Variants in MCTP1 observed in about 807,000 individuals in gnomAD.
The protein encoded by MCTP1 is multiple C2 and transmembrane domain containing 1.
MCTP1 carries 69 observed loss-of-function variants against 120.6 expected under a neutral mutation model. That is an observed-to-expected ratio of 0.57 (90% confidence interval 0.47 to 0.70). The LOEUF is 0.70. Ranked by LOEUF, MCTP1 falls within the 30% of genes least tolerant of loss-of-function variation. The probability of loss-of-function intolerance (pLI) is 0.00; values close to 1 mark genes in which losing one functional copy is unlikely to be tolerated. For synonymous variants in MCTP1, 529 were observed against 493.1 expected (o/e 1.07, Z -0.96); for missense variants, 1,203 against 1,248.8 (o/e 0.96, Z 0.55).
chr5:95,183,618 A>C (rs1232211419), intron 1 of MCTP1, among the ~76,000 whole-genome samples: 1 of 152,146 alleles, frequency 6.6e-6, no homozygotes, highest in African/African-American at 2.4e-5. Context: ...GCAACTCAAG[A>C]AAAAGACAAA....
At chr5:95,024,200 A>C (rs1322212718) in intron 1 of MCTP1, 5 of 292,656 alleles carry the variant, frequency 1.7e-5, no homozygotes, top group Admixed American at 9.3e-5. Flanking sequence ...GCTTTCCTTG[A>C]TTTTTTTCTT....
At chr5:95,107,168 T>G (rs1757142633) in intron 1 of MCTP1, among the ~76,000 whole-genome samples, 1 of 152,178 alleles carries the variant, frequency 6.6e-6, no homozygotes, top group Admixed American at 6.5e-5. Context: ...TTTAAATAGT[T>G]TTGTATTTTA....
chr5:94,819,897 C>T lies in MCTP1; in HGVS notation c.2437-20765G>A, dbSNP rs572032645. 4.6e-5 allele frequency among the ~76,000 whole-genome samples: 7 copies of T among 152,306 alleles called. No individual in the cohort carries two copies. In the South Asian group the frequency reaches 8.3e-4, roughly 18 times the overall value. On this transcript the variant is annotated intron_variant, in intron 17 of 22. Coordinates refer to ENST00000515393, the MANE Select transcript of MCTP1 (RefSeq NM_024717.7). ...AGAAATTCATTATAGATAAGTTGCA[C>T]GAAGTCCTCTGGGCATCCAATGATT...
intron 1 of MCTP1, among the ~76,000 whole-genome samples, chr5:95,092,207 T>A (rs1427565956): frequency 6.6e-6 from 1 of 152,168 alleles, no homozygotes; most frequent in East Asian, 1.9e-4. Context: ...TAGCTGCCTA[T>A]AATAAAATGC....
intron 1 of MCTP1, among the ~76,000 whole-genome samples, chr5:95,261,711 T>A (rs1455341106): frequency 6.6e-6 from 1 of 152,220 alleles, no homozygotes; most frequent in Admixed American, 6.5e-5. Flanking sequence ...AATTTACAGA[T>A]CTCTTCAAGA....
intron 1 of MCTP1, among the ~76,000 whole-genome samples, chr5:95,092,170 G>T (rs768858791): frequency 3.3e-5 from 5 of 151,824 alleles, no homozygotes; most frequent in East Asian, 1.9e-4. Flanking sequence ...GGTTTTTTTT[G>T]TTGTTGTTGT....
chr5:95,055,134 C>T (rs1747041480), intron 1 of MCTP1, among the ~76,000 whole-genome samples: 1 of 152,134 alleles, frequency 6.6e-6, no homozygotes, highest in African/African-American at 2.4e-5. Context: ...TAGTTCACTA[C>T]CAATAAAGTA....
At chr5:94,918,005 G>A (rs1415290753) in intron 7 of MCTP1, 32 bp from the exon 8 acceptor site, 5 of 1,566,308 alleles carry the variant, frequency 3.2e-6, no homozygotes, top group East Asian at 2.2e-5. Flanking sequence ...GAGCTGTACG[G>A]GGAAGCTTTG....
intron 17 of MCTP1, among the ~76,000 whole-genome samples, chr5:94,841,057 T>C (rs747254735): frequency 2.7e-4 from 41 of 152,058 alleles, no homozygotes; most frequent in Non-Finnish European, 5.6e-4. Flanking sequence ...GACACTGGGG[T>C]GCCAAAGGAG....
At chr5:95,260,622 T>C (rs1480355063) in intron 1 of MCTP1, among the ~76,000 whole-genome samples, 2 of 152,174 alleles carry the variant, frequency 1.3e-5, no homozygotes, top group African/African-American at 4.8e-5. Flanking sequence ...TGTGTATATA[T>C]ATATCTTTTC....
intron 19 of MCTP1, among the ~76,000 whole-genome samples, chr5:94,743,680 C>T (rs1253998622): frequency 2.1e-5 from 3 of 143,818 alleles, no homozygotes; most frequent in Non-Finnish European, 3.0e-5. Context: ...CTCTGTCGCC[C>T]AGGCTCGAGT....
intron 1 of MCTP1, among the ~76,000 whole-genome samples, chr5:95,257,843 A>C (rs891919084): frequency 6.6e-6 from 1 of 152,036 alleles, no homozygotes; most frequent in Non-Finnish European, 1.5e-5. Context: ...ACGGGAGTAT[A>C]TCAAAGGGGC....
At chr5:95,061,002 ATTTTTTTT>A (rs35187920) in intron 1 of MCTP1, among the ~76,000 whole-genome samples, 1 of 107,212 alleles carries the variant, frequency 9.3e-6, no homozygotes, top group Non-Finnish European at 1.9e-5. Context: ...TCAAATGTAC[ATTTTTTTT>A]TTTTTTTTTT....
At chr5:94,993,899 C>T (rs1489898322) in intron 2 of MCTP1, among the ~76,000 whole-genome samples, 1 of 152,194 alleles carries the variant, frequency 6.6e-6, no homozygotes, top group Non-Finnish European at 1.5e-5. Context: ...ATTTCAGACA[C>T]ATGCTCAATA....
chr5:95,187,896 G>A (rs1312559398), intron 1 of MCTP1, among the ~76,000 whole-genome samples: 1 of 152,114 alleles, frequency 6.6e-6, no homozygotes, highest in African/African-American at 2.4e-5. Flanking sequence ...TAACATAAAG[G>A]ATAAATGCTT....
chr5:94,989,217 C>T (rs1362110478), intron 2 of MCTP1, among the ~76,000 whole-genome samples: 1 of 152,152 alleles, frequency 6.6e-6, no homozygotes, highest in East Asian at 1.9e-4. Flanking sequence ...AGGTGTGAGC[C>T]ATCGTGCCTT....
rs369529968 is a variant in MCTP1 at position 94,787,610 on chromosome 5, C to CTGTTTTTTTT, written c.2557-8457_2557-8448dup. Among the ~76,000 whole-genome samples, 8 of 150,580 alleles carry CTGTTTTTTTT rather than the reference C, an allele frequency of 5.3e-5. No individual in the cohort carries two copies. In the East Asian group the frequency reaches 1.4e-3, roughly 26 times the overall value. On this transcript the variant is annotated intron_variant, in intron 18 of 22. Transcript: ENST00000515393. ...CCAGGTGTCATCTATTAAGCACTTACTGTTTTTTTTTGTTTTTTTTTTTTG... is the reference window on the plus strand; with the variant it reads ...CCAGGTGTCATCTATTAAGCACTTACTGTTTTTTTTTGTTTTTTTTTGTTTTTTTTTTTTG...
At chr5:94,838,545 T>C (rs1790307036) in intron 17 of MCTP1, among the ~76,000 whole-genome samples, 1 of 152,166 alleles carries the variant, frequency 6.6e-6, no homozygotes, top group South Asian at 2.1e-4. Flanking sequence ...GAATGCTATT[T>C]CCAGAAACTC....
intron 12 of MCTP1, among the ~76,000 whole-genome samples, chr5:94,881,333 G>C (rs1800021175): frequency 6.6e-6 from 1 of 151,844 alleles, no homozygotes; most frequent in East Asian, 1.9e-4. Context: ...GGCCCTTCCT[G>C]CCCCCCAAAG....
Sources: allele counts gnomAD v4.1 joint callset (sites outside exome capture counted in the v4.1 genomes callset), GRCh38; gene constraint gnomAD v4.1.1; transcripts MANE v1.5; gene names NCBI Gene and HGNC (gene_info 2026-07-23, HGNC 2026-07-21).